Variants in TBC1D14 observed in about 807,000 individuals in gnomAD.
TBC1D14 encodes the protein TBC1 domain family member 14.
In TBC1D14, 26 loss-of-function variants were observed where a neutral mutation model predicts 79.0. The observed-to-expected ratio is 0.33, with a 90% CI of 0.24 to 0.46. The LOEUF (loss-of-function observed/expected upper bound fraction) is 0.46, where lower values mean the gene tolerates loss of function less well. TBC1D14 is among the 20% of genes least tolerant of loss of function. The pLI is 1.00. For synonymous variants in TBC1D14, 394 were observed against 349.9 expected, an observed-to-expected ratio of 1.13 and a Z score of -1.40; for missense variants, 769 against 887.6, an observed-to-expected ratio of 0.87 and a Z score of 1.70.
chr4:6,999,540 G>T (rs1029545941), intron 6 of TBC1D14, among the ~76,000 whole-genome samples: 1 of 152,086 alleles, frequency 6.6e-6, no homozygotes, highest in Non-Finnish European at 1.5e-5. Flanking sequence ...TTAGTGAGGT[G>T]GCCTGCCTTC....
At chr4:6,962,106 C>T (rs1035218655) in intron 2 of TBC1D14, among the ~76,000 whole-genome samples, 4 of 152,132 alleles carry the variant, frequency 2.6e-5, no homozygotes, top group Admixed American at 6.5e-5. Flanking sequence ...GTTGTCAGGT[C>T]TCCTCTCCCA....
intron 2 of TBC1D14, among the ~76,000 whole-genome samples, chr4:6,934,456 C>T (rs969699030): frequency 3.9e-5 from 6 of 151,924 alleles, no homozygotes; most frequent in South Asian, 2.1e-4. Flanking sequence ...GTCAGGAGTT[C>T]GAGACCAGCC....
At chr4:6,920,919 C>T (rs1723801173) in intron 1 of TBC1D14, among the ~76,000 whole-genome samples, 1 of 152,188 alleles carries the variant, frequency 6.6e-6, no homozygotes, top group Admixed American at 6.5e-5. Context: ...GCTGGGGTTA[C>T]AGGCATCTGC....
rs200547397 is a variant in TBC1D14 at position 7,025,196 on chromosome 4, C to T, written c.1950C>T (p.Pro650=). 676 of 1,614,196 alleles carry T rather than the reference C, an allele frequency of 4.2e-4. 5 individuals are homozygous for T. In the East Asian group the frequency reaches 0.011, roughly 27 times the overall value. The change falls in exon 13 of 14, where the codon CCC becomes CCT. Residue 650 remains proline, a synonymous_variant. Transcript: ENST00000409757. ...QFLTRLPEDL[P]AEELFASIAT... ...TGACCCGGCTGCCCGAGGACCTGCC[C>T]GCCGAGGAGCTGTTTGCCTCCATCG... is the stretch of plus-strand genomic sequence containing the variant.
intron 3 of TBC1D14, among the ~76,000 whole-genome samples, chr4:6,968,111 C>A (rs1003324061): frequency 1.3e-5 from 2 of 152,164 alleles, no homozygotes; most frequent in African/African-American, 4.8e-5. Context: ...CTGCTGTCTG[C>A]CCCAAGTGTC....
chr4:6,955,665 T>C (rs1714563822), intron 2 of TBC1D14, among the ~76,000 whole-genome samples: 1 of 152,210 alleles, frequency 6.6e-6, no homozygotes, highest in African/African-American at 2.4e-5. Context: ...CCTGAGTAAC[T>C]GCTGAAGTGC....
At chr4:6,955,625 A>C (rs1714560304) in intron 2 of TBC1D14, among the ~76,000 whole-genome samples, 1 of 152,218 alleles carries the variant, frequency 6.6e-6, no homozygotes, top group African/African-American at 2.4e-5. Flanking sequence ...GTTTCTGTTA[A>C]TGAGACAAAG....
chr4:6,931,287 C>T (rs1306783912), intron 2 of TBC1D14, among the ~76,000 whole-genome samples: 1 of 152,224 alleles, frequency 6.6e-6, no homozygotes, highest in South Asian at 2.1e-4. Flanking sequence ...GGTGGATTTT[C>T]AGCAGATTGA....
intron 12 of TBC1D14, among the ~76,000 whole-genome samples, chr4:7,024,202 T>C (rs1722108098): frequency 6.6e-6 from 1 of 152,146 alleles, no homozygotes. Context: ...AGGGTCACAC[T>C]GTGGAAGCTT....
chr4:7,029,399 A>C (rs1003412308), intron 13 of TBC1D14, among the ~76,000 whole-genome samples: 1 of 152,168 alleles, frequency 6.6e-6, no homozygotes, highest in African/African-American at 2.4e-5. Flanking sequence ...CAGGCCCCTC[A>C]TGTTGGGGCA....
intron 2 of TBC1D14, among the ~76,000 whole-genome samples, chr4:6,957,709 C>T (rs558186128): frequency 1.9e-4 from 29 of 152,228 alleles, no homozygotes; most frequent in Admixed American, 9.8e-4. Flanking sequence ...CCCAGGAGTT[C>T]GAGACCGGCC....
chr4:7,022,433 C>T (rs780314461), intron 12 of TBC1D14, among the ~76,000 whole-genome samples: 1 of 152,208 alleles, frequency 6.6e-6, no homozygotes, highest in Non-Finnish European at 1.5e-5. Context: ...AATGCCAGGG[C>T]CTCATGAAGG....
chr4:7,013,909 A>T (rs1721032269), intron 11 of TBC1D14, among the ~76,000 whole-genome samples: 1 of 151,910 alleles, frequency 6.6e-6, no homozygotes, highest in Non-Finnish European at 1.5e-5. Flanking sequence ...ACGCCTGGCT[A>T]ATTTTTCGTT....
At chr4:7,026,922 A>C (rs28480123) in intron 13 of TBC1D14, among the ~76,000 whole-genome samples, 1,570 of 151,710 alleles carry the variant, frequency 0.01, 27 homozygotes, top group African/African-American at 0.036. Context: ...CAAACAAAAA[A>C]AACAGGTTGG....
At chr4:6,988,895 T>C (rs1387704907) in intron 3 of TBC1D14, among the ~76,000 whole-genome samples, 1 of 138,466 alleles carries the variant, frequency 7.2e-6, no homozygotes, top group Non-Finnish European at 1.6e-5. Context: ...CTTTTTTTTT[T>C]TTTTTTTTTT....
chr4:7,022,977 T>G (rs1382066057), intron 12 of TBC1D14, among the ~76,000 whole-genome samples: 3 of 152,190 alleles, frequency 2.0e-5, no homozygotes, highest in Non-Finnish European at 4.4e-5. Flanking sequence ...TTGTTTTGGC[T>G]GGGCGTGGTG....
intron 4 of TBC1D14, 42 bp downstream of exon 4, chr4:6,994,344 AATAAGT>A (rs1718795899): frequency 6.4e-7 from 1 of 1,565,346 alleles, no homozygotes; most frequent in Non-Finnish European, 8.8e-7. Context: ...TGCTTTAGGA[AATAAGT>A]ACAACTTGCT....
chr4:6,953,470 A>AAC (rs1377032177), intron 2 of TBC1D14, among the ~76,000 whole-genome samples: 1 of 143,618 alleles, frequency 7.0e-6, no homozygotes, highest in South Asian at 2.2e-4. Context: ...AAAAAAAAAA[A>AAC]AATACAAAAA....
At chr4:6,984,243 T>C (rs1379785724) in intron 3 of TBC1D14, among the ~76,000 whole-genome samples, 1 of 152,150 alleles carries the variant, frequency 6.6e-6, no homozygotes, top group African/African-American at 2.4e-5. Flanking sequence ...AGCCTCAGTA[T>C]CCTCTGCAGA....
Sources: gnomAD v4.1 joint callset for allele counts (sites outside exome capture counted in the v4.1 genomes callset) on GRCh38, gnomAD v4.1.1 for gene constraint, MANE v1.5 for transcripts, NCBI Gene and HGNC (gene_info 2026-07-23, HGNC 2026-07-21) for gene names.